The following ZFAT variants were observed in gnomAD, a reference collection of about 807,000 sequenced individuals.
The protein encoded by ZFAT is zinc finger and AT-hook domain containing, also known as zinc finger protein ZFAT.
ZFAT carries 64 observed loss-of-function variants against 117.7 expected under a neutral mutation model. The ratio of observed to expected loss-of-function variants is 0.54; its 90% CI spans 0.44 to 0.67. The LOEUF (loss-of-function observed/expected upper bound fraction) is 0.67. Among genes scored for constraint, ZFAT ranks in the 30% least tolerant of loss-of-function variants. The probability of loss-of-function intolerance (pLI) is 0.00; values close to 1 mark genes in which losing one functional copy is unlikely to be tolerated. For missense variants in ZFAT, 1,433 were observed against 1,584.5 expected (o/e 0.90, Z 1.62); for synonymous variants, 679 against 615.0 (o/e 1.10, Z -1.54).
chr8:134,767,747 C>T, the ZFAT span, among the ~76,000 whole-genome samples: 3 of 152,314 alleles, frequency 2.0e-5, no homozygotes, highest in East Asian at 5.8e-4. Flanking sequence ...TAAGCACTCT[C>T]TATTTTGTGC....
chr8:134,619,327 T>G (rs915429902), intron 3 of ZFAT, among the ~76,000 whole-genome samples: 1 of 152,174 alleles, frequency 6.6e-6, no homozygotes, highest in African/African-American at 2.4e-5. Context: ...AAGTACAGTT[T>G]CTACTAAATG....
At chr8:134,495,565 G>C (rs570848367) in intron 15 of ZFAT, among the ~76,000 whole-genome samples, 1 of 152,276 alleles carries the variant, frequency 6.6e-6, no homozygotes, top group South Asian at 2.1e-4. Flanking sequence ...AAATGATTTT[G>C]AGCCACAATC....
chr8:134,724,920 C>A, the ZFAT span, among the ~76,000 whole-genome samples: 1 of 152,156 alleles, frequency 6.6e-6, no homozygotes, highest in African/African-American at 2.4e-5. Context: ...TCCTTGGCAA[C>A]CAAGCTCACC....
intron 1 of ZFAT, among the ~76,000 whole-genome samples, chr8:134,708,108 T>G (rs1025427776): frequency 1.3e-5 from 2 of 152,200 alleles, no homozygotes; most frequent in Non-Finnish European, 2.9e-5. Context: ...ACACTGCATG[T>G]TTTCTCTTAC....
the ZFAT span, among the ~76,000 whole-genome samples, chr8:134,741,981 C>A: frequency 1.3e-5 from 2 of 152,090 alleles, no homozygotes; most frequent in African/African-American, 2.4e-5. Context: ...TTCTCCCCAG[C>A]CCCACTCCTG....
At chr8:134,577,505 G>C (rs1825393081) in intron 10 of ZFAT, among the ~76,000 whole-genome samples, 1 of 152,208 alleles carries the variant, frequency 6.6e-6, no homozygotes, top group Non-Finnish European at 1.5e-5. Flanking sequence ...TTAACAGAAT[G>C]ATCTAAGATG....
At chr8:134,676,490 A>G (rs1263899256) in intron 1 of ZFAT, among the ~76,000 whole-genome samples, 1 of 152,214 alleles carries the variant, frequency 6.6e-6, no homozygotes, top group Non-Finnish European at 1.5e-5. Flanking sequence ...CCCACACAGT[A>G]ATAGTGGGAA....
intron 11 of ZFAT, among the ~76,000 whole-genome samples, chr8:134,555,974 G>GGGAGGGAA (rs1409257127): frequency 2.8e-5 from 4 of 141,696 alleles, no homozygotes; most frequent in Admixed American, 7.1e-5. Context: ...GAAGGAGGGA[G>GGGAGGGAA]GGAGGGAAGG....
chr8:134,758,345 C>CAAAAT, the ZFAT span, among the ~76,000 whole-genome samples: 1 of 152,066 alleles, frequency 6.6e-6, no homozygotes, highest in African/African-American at 2.4e-5. Context: ...CAAAACAAAA[C>CAAAAT]AGTCATTTGG....
chr8:134,663,037 G>A (rs12677729), intron 1 of ZFAT, among the ~76,000 whole-genome samples: 49,110 of 152,216 alleles, frequency 0.32, 8,605 homozygotes, highest in South Asian at 0.43. Flanking sequence ...TCTCATGAAC[G>A]AATACTGCCA....
chr8:134,777,684 G>T, the ZFAT span, among the ~76,000 whole-genome samples: 113,907 of 152,100 alleles, frequency 0.75, 42,959 homozygotes, highest in African/African-American at 0.84. Context: ...TGTCAACTGT[G>T]TATTGAGAAT....
At chr8:134,545,552 C>A (rs930369300) in intron 11 of ZFAT, among the ~76,000 whole-genome samples, 2 of 152,134 alleles carry the variant, frequency 1.3e-5, no homozygotes, top group Non-Finnish European at 2.9e-5. Context: ...GTTGGCAAAA[C>A]TATAATGAAA....
At chr8:134,571,206 G>C (rs1275873086) in intron 10 of ZFAT, among the ~76,000 whole-genome samples, 4 of 152,200 alleles carry the variant, frequency 2.6e-5, no homozygotes, top group Non-Finnish European at 5.9e-5. Flanking sequence ...ACGCCACGAA[G>C]GACAAAGGCA....
At chr8:134,775,929 A>G in the ZFAT span, among the ~76,000 whole-genome samples, 1 of 152,222 alleles carries the variant, frequency 6.6e-6, no homozygotes, top group Non-Finnish European at 1.5e-5. Flanking sequence ...TATTCAGGGA[A>G]ACAAAAGGAA....
At chr8:134,563,987 T>TACA (rs1824239218) in intron 11 of ZFAT, among the ~76,000 whole-genome samples, 1 of 151,888 alleles carries the variant, frequency 6.6e-6, no homozygotes, top group Admixed American at 6.6e-5. Context: ...CTACTAAAAA[T>TACA]ACAAAAATTA....
intron 1 of ZFAT, among the ~76,000 whole-genome samples, chr8:134,672,038 A>T (rs2131267022): frequency 6.6e-6 from 1 of 152,366 alleles, no homozygotes; most frequent in Admixed American, 6.5e-5. Context: ...CTAGGAATAC[A>T]ACTTACAAGG....
intron 9 of ZFAT, among the ~76,000 whole-genome samples, chr8:134,586,708 T>C (rs1443931988): frequency 6.6e-6 from 1 of 152,212 alleles, no homozygotes; most frequent in East Asian, 1.9e-4. Context: ...AACACGTGTA[T>C]ATACACATAC....
intron 4 of ZFAT, among the ~76,000 whole-genome samples, chr8:134,609,620 T>G (rs1828167042): frequency 6.6e-6 from 1 of 152,206 alleles, no homozygotes; most frequent in Non-Finnish European, 1.5e-5. Flanking sequence ...CTTAAAAGGC[T>G]GTAGCTGTCC....
chr8:134,814,585 T>C, the ZFAT span, among the ~76,000 whole-genome samples: 2 of 152,188 alleles, frequency 1.3e-5, no homozygotes, highest in Non-Finnish European at 2.9e-5. Flanking sequence ...CAAGGCAATA[T>C]AATATATATT....
Sources: allele counts gnomAD v4.1 joint callset (sites outside exome capture counted in the v4.1 genomes callset), GRCh38; gene constraint gnomAD v4.1.1; transcripts MANE v1.5; gene names NCBI Gene and HGNC (gene_info 2026-07-23, HGNC 2026-07-21).